The following MTAP variants were observed in gnomAD, a reference collection of about 807,000 sequenced individuals.
The protein encoded by MTAP is methylthioadenosine phosphorylase.
Under a neutral mutation model 33.6 loss-of-function variants are expected in MTAP, and 33 were observed. The observed-to-expected ratio is 0.98, with a 90% CI of 0.74 to 1.31. The LOEUF (loss-of-function observed/expected upper bound fraction) is 1.31. MTAP is among the 40% of genes most tolerant of loss of function. MTAP has a pLI of 0.00. For missense variants in MTAP, 367 were observed against 360.0 expected (o/e 1.02, Z -0.16); for synonymous variants, 148 against 125.7 (o/e 1.18, Z -1.19).
At chr9:21,884,019 G>A (rs997113853) in intron 1 of MTAP, among the ~76,000 whole-genome samples, 4 of 151,940 alleles carry the variant, frequency 2.6e-5, no homozygotes, top group East Asian at 3.9e-4. Context: ...AGTGGATGTC[G>A]TCACATCCAC....
At chr9:21,887,882 G>T (rs1200800722) in intron 1 of MTAP, among the ~76,000 whole-genome samples, 1 of 152,104 alleles carries the variant, frequency 6.6e-6, no homozygotes, top group Admixed American at 6.5e-5. Context: ...GTGTGGGGGG[G>T]TTGCAGCTAT....
chr9:21,824,137 G>A (rs1353870856), intron 4 of MTAP, among the ~76,000 whole-genome samples: 1 of 152,200 alleles, frequency 6.6e-6, no homozygotes, highest in African/African-American at 2.4e-5. Context: ...TTGTTCCATT[G>A]CTGGCGAGGA....
intron 1 of MTAP, among the ~76,000 whole-genome samples, chr9:21,907,042 T>A (rs527883026): frequency 2.6e-5 from 4 of 152,288 alleles, no homozygotes; most frequent in Admixed American, 2.6e-4. Flanking sequence ...TATGAAGGAA[T>A]GTGGTTGGGT....
downstream of MTAP, among the ~76,000 whole-genome samples, chr9:21,868,952 C>T (rs749996264): frequency 1.3e-5 from 2 of 152,118 alleles, no homozygotes; most frequent in Non-Finnish European, 2.9e-5. Flanking sequence ...GATGCTGGTC[C>T]CACTTTGAGA....
intron 4 of MTAP, among the ~76,000 whole-genome samples, chr9:21,825,410 G>A (rs1426344773): frequency 1.3e-5 from 2 of 152,218 alleles, no homozygotes; most frequent in African/African-American, 4.8e-5. Context: ...CTTGGATCAT[G>A]TGGTAGTTGA....
intron 1 of MTAP, among the ~76,000 whole-genome samples, chr9:21,920,140 C>T (rs774213063): frequency 6.6e-6 from 1 of 151,900 alleles, no homozygotes; most frequent in Non-Finnish European, 1.5e-5. Flanking sequence ...AGCTCAAGAG[C>T]GAAAATCATA....
chr9:21,826,494 C>T (rs1027135163), intron 4 of MTAP, among the ~76,000 whole-genome samples: 3 of 151,780 alleles, frequency 2.0e-5, no homozygotes, highest in African/African-American at 7.3e-5. Flanking sequence ...CTGATCAGAA[C>T]CAGGTTTGAA....
intron 1 of MTAP, among the ~76,000 whole-genome samples, chr9:21,923,401 G>C (rs1237446396): frequency 6.6e-6 from 1 of 152,162 alleles, no homozygotes; most frequent in Non-Finnish European, 1.5e-5. Flanking sequence ...TGGGAGGAGA[G>C]AAAATTCTTC....
At chr9:21,919,012 A>G (rs528546627) in intron 1 of MTAP, among the ~76,000 whole-genome samples, 1 of 152,342 alleles carries the variant, frequency 6.6e-6, no homozygotes, top group East Asian at 1.9e-4. Flanking sequence ...GCATAGTTTG[A>G]TGGTCCATCA....
chr9:21,854,933 A>G (rs1825602230), intron 6 of MTAP, 63 bp downstream of exon 6: 8 of 1,570,232 alleles, frequency 5.1e-6, no homozygotes, highest in Non-Finnish European at 6.9e-6. Context: ...AGGGTGTCTT[A>G]ACTGTTTGTT....
In MTAP at chr9:21,863,178, T is replaced by G. The variant is rs1825786746; in HGVS notation, c.*1164T>G. The G allele has an allele frequency of 1.0e-6, 1 of 955,984 alleles. No homozygotes were observed. The highest frequency in any genetic ancestry group is 6.2e-5 in the Admixed American group (1 of 16,232). The allele number at this position is 955,984 out of a possible 1,614,324, so 59.2% of individuals were successfully genotyped here. ...AAAAGACTAAATGCACATTTTATGG[T>G]ATCTGATATTTTAAAAAGTAATGTT... On this transcript the variant is annotated 3_prime_UTR_variant, in exon 8 of 8. Coordinates refer to ENST00000644715, the MANE Select transcript of MTAP (RefSeq NM_002451.4).
rs1825789267 is a variant in MTAP at position 21,863,287 on chromosome 9, C to G, written c.*1273C>G. ...ATAAAGTGGAAGCTTGCTTTTTTAA[C>G]TCTTTTTTTATTGTTATTTTATAGA... On this transcript the variant is annotated 3_prime_UTR_variant, in exon 8 of 8. Coordinates refer to ENST00000644715, the MANE Select transcript of MTAP (RefSeq NM_002451.4). The G allele has an allele frequency of 5.1e-6, 5 of 984,360 alleles. No individual in the cohort carries two copies. The highest frequency in any genetic ancestry group is 6.0e-6 in the Non-Finnish European group (5 of 829,054). 61.0% of individuals were successfully genotyped at this position (984,360 alleles called of 1,614,324 possible).
chr9:21,865,469 C>T lies in MTAP; in HGVS notation c.*3455C>T. On this transcript the variant is annotated 3_prime_UTR_variant, in exon 8 of 8. Transcript: ENST00000644715. The stretch of plus-strand genomic sequence containing the variant: ...TCCTCAAATGTTTTGAAGATTGTTG[C>T]ACCTTGGAACTACCAGTGTGCACAC... 1.0e-6 allele frequency: 1 copy of T among 985,474 alleles called. No homozygotes were observed. Among genetic ancestry groups the T allele is most frequent in the South Asian group, 4.7e-5 (1 of 21,294 alleles). The allele number at this position is 985,474 out of a possible 1,614,324, so 61.0% of individuals were successfully genotyped here.
At chr9:21,809,194 C>G (rs903753353) in intron 1 of MTAP, among the ~76,000 whole-genome samples, 1 of 152,120 alleles carries the variant, frequency 6.6e-6, no homozygotes, top group African/African-American at 2.4e-5. Flanking sequence ...AGGTCCCACC[C>G]AGGTAATCTA....
chr9:21,915,566 C>A (rs907848610), intron 1 of MTAP, among the ~76,000 whole-genome samples: 1 of 152,030 alleles, frequency 6.6e-6, no homozygotes, highest in East Asian at 1.9e-4. Context: ...TGAGTGAGAA[C>A]CTAGGAGTGG....
In MTAP at chr9:21,864,221, A is replaced by G. The variant is rs1489522845; in HGVS notation, c.*2207A>G. The G allele has an allele frequency of 2.0e-6, 2 of 985,444 alleles. No individual in the cohort carries two copies. The highest frequency in any genetic ancestry group is 2.4e-6 in the Non-Finnish European group (2 of 829,930). The allele number at this position is 985,444 out of a possible 1,614,324, so 61.0% of individuals were successfully genotyped here. A position where few individuals can be genotyped will look rare whatever the true frequency, so the allele number is the denominator to read the frequency against. On this transcript the variant is annotated 3_prime_UTR_variant, in exon 8 of 8. Transcript: ENST00000644715. Reference sequence around the variant, plus strand: ...TTCAGACTAACTAAATGAATGCAGTATACTCTTTTCTTTGTTCTCAATCAT... The same window carrying G: ...TTCAGACTAACTAAATGAATGCAGTGTACTCTTTTCTTTGTTCTCAATCAT...
chr9:21,864,316 TC>T lies in MTAP; in HGVS notation c.*2304del, dbSNP rs1281520587. 2.5e-5 allele frequency: 25 copies of T among 985,278 alleles called. No individual in the cohort carries two copies. The highest frequency in any genetic ancestry group is 1.0e-3 in the Middle Eastern group (2 of 1,936). The allele number at this position is 985,278 out of a possible 1,614,324, so 61.0% of individuals were successfully genotyped here. A position where few individuals can be genotyped will look rare whatever the true frequency, so the allele number is the denominator to read the frequency against. ...CTTGAGGATATTGTTGAAGAACACTTCCTGGAACACTTCTCACTTGTGATGC... is the reference window on the plus strand; with the variant it reads ...CTTGAGGATATTGTTGAAGAACACTTCTGGAACACTTCTCACTTGTGATGC... On this transcript the variant is annotated 3_prime_UTR_variant, in exon 8 of 8. Coordinates refer to ENST00000644715, the MANE Select transcript of MTAP (RefSeq NM_002451.4).
Position 21,861,613 on chromosome 9 carries a change from T to C in MTAP, c.814-363T>C, listed in dbSNP as rs542032410. On this transcript the variant is annotated intron_variant, in intron 7 of 7. Transcript: ENST00000644715. ...ATGATGATCCTATGGTGTTTGGAGA[T>C]ATAGACACATAAAAATTTCAATGAT... 8.7e-5 allele frequency: 20 copies of C among 229,162 alleles called. No individual in the cohort carries two copies. In the East Asian group the frequency reaches 2.2e-3, roughly 25 times the overall value. 14.2% of individuals were successfully genotyped at this position (229,162 alleles called of 1,614,324 possible). A position where few individuals can be genotyped will look rare whatever the true frequency, so the allele number is the denominator to read the frequency against.
rs539829742 is a variant in MTAP, at chr9:21,916,443, C to G, written c.148-14565C>G. Among the ~76,000 whole-genome samples, 14 of 152,074 alleles carry G rather than the reference C, an allele frequency of 9.2e-5. No homozygotes were observed. In the South Asian group the frequency reaches 1.2e-3, roughly 14 times the overall value. On this transcript the variant is annotated intron_variant, in intron 1 of 1. Transcript: ENST00000577563. ...TGGCCAATATGGTGAAACCCCATCT[C>G]TACTAGAAATACAAAAATTAGCTGG...
Sources: allele counts gnomAD v4.1 joint callset (sites outside exome capture counted in the v4.1 genomes callset), GRCh38; gene constraint gnomAD v4.1.1; transcripts MANE v1.5; gene names NCBI Gene and HGNC (gene_info 2026-07-23, HGNC 2026-07-21).